Variants in MYO16 observed in about 807,000 individuals in gnomAD.
MYO16 encodes unconventional myosin-XVI.
Under a neutral mutation model 205.3 loss-of-function variants are expected in MYO16, and 94 were observed. That is an observed-to-expected ratio of 0.46 (90% confidence interval 0.39 to 0.54). The LOEUF (loss-of-function observed/expected upper bound fraction) is 0.54. MYO16 is among the 20% of genes least tolerant of loss of function. MYO16 has a pLI of 0.00. For synonymous variants in MYO16, 988 were observed against 954.0 expected (o/e 1.04, Z -0.66); for missense variants, 2,315 against 2,387.5 (o/e 0.97, Z 0.63).
At chr13:108,889,393 T>G (rs750551612) in intron 14 of MYO16, among the ~76,000 whole-genome samples, 1 of 152,170 alleles carries the variant, frequency 6.6e-6, no homozygotes, top group Non-Finnish European at 1.5e-5. Flanking sequence ...CTCAGAAATT[T>G]TACTCAAGGA....
At chr13:109,087,166 G>A (rs990216536) in intron 27 of MYO16, among the ~76,000 whole-genome samples, 9 of 152,174 alleles carry the variant, frequency 5.9e-5, no homozygotes, top group African/African-American at 2.2e-4. Flanking sequence ...CCAGCCATGT[G>A]GTCTCAGCAC....
At chr13:108,736,838 C>T (rs1311707171) in intron 4 of MYO16, among the ~76,000 whole-genome samples, 1 of 152,178 alleles carries the variant, frequency 6.6e-6, no homozygotes, top group Non-Finnish European at 1.5e-5. Context: ...TTGTAGTTCT[C>T]CTTGAAGAGA....
chr13:108,992,842 A>C (rs1199203974), intron 21 of MYO16, among the ~76,000 whole-genome samples: 1 of 152,198 alleles, frequency 6.6e-6, no homozygotes, highest in African/African-American at 2.4e-5. Context: ...TTATTTGTAG[A>C]TTCATCTCCA....
At chr13:108,662,286 A>G (rs899844998) in intron 1 of MYO16, among the ~76,000 whole-genome samples, 1 of 152,202 alleles carries the variant, frequency 6.6e-6, no homozygotes. Context: ...GGCATTTTCC[A>G]GAAAGCATCA....
chr13:108,586,901 C>A, the MYO16 span, among the ~76,000 whole-genome samples: 4 of 152,308 alleles, frequency 2.6e-5, no homozygotes, highest in African/African-American at 9.6e-5. Context: ...ATTTTCCTAT[C>A]TTTCCAATGA....
intron 2 of MYO16, among the ~76,000 whole-genome samples, chr13:108,684,306 T>A (rs1842352946): frequency 6.6e-6 from 1 of 152,198 alleles, no homozygotes; most frequent in African/African-American, 2.4e-5. Flanking sequence ...GGCTTGTGTC[T>A]CCTTTTAGCA....
intron 19 of MYO16, among the ~76,000 whole-genome samples, chr13:108,962,905 A>G (rs981173238): frequency 1.2e-4 from 18 of 152,376 alleles, no homozygotes; most frequent in African/African-American, 3.6e-4. Context: ...GCCAAGTCCT[A>G]TAAAAATTGT....
chr13:108,788,821 A>G (rs1406456309), intron 5 of MYO16, among the ~76,000 whole-genome samples: 2 of 151,736 alleles, frequency 1.3e-5, no homozygotes, highest in Non-Finnish European at 2.9e-5. Flanking sequence ...CCTTTGTGAC[A>G]CTCTCTTAGG....
chr13:108,642,221 G>A (rs1477439619), intron 1 of MYO16, among the ~76,000 whole-genome samples: 1 of 152,076 alleles, frequency 6.6e-6, no homozygotes, highest in Non-Finnish European at 1.5e-5. Flanking sequence ...CTCTTACTGA[G>A]CCACTGCAGG....
At chr13:108,837,170 A>G (rs1277734413) in intron 9 of MYO16, among the ~76,000 whole-genome samples, 1 of 152,068 alleles carries the variant, frequency 6.6e-6, no homozygotes, top group Non-Finnish European at 1.5e-5. Flanking sequence ...CATGATAGTG[A>G]GTGGAGTGCT....
the MYO16 span, among the ~76,000 whole-genome samples, chr13:108,529,986 G>T: frequency 4.6e-5 from 7 of 152,180 alleles, no homozygotes; most frequent in Non-Finnish European, 1.0e-4. Context: ...ACCCCAAGTA[G>T]TTCCCAACAA....
upstream of MYO16, among the ~76,000 whole-genome samples, chr13:108,592,838 A>C (rs1161371219): frequency 6.6e-6 from 1 of 151,714 alleles, no homozygotes; most frequent in Non-Finnish European, 1.5e-5. Flanking sequence ...CATGATGACA[A>C]TTATTGCTTT....
chr13:109,126,056 G>C (rs1006689000), intron 30 of MYO16, among the ~76,000 whole-genome samples: 2 of 152,152 alleles, frequency 1.3e-5, no homozygotes, highest in Non-Finnish European at 2.9e-5. Context: ...TTAATTCATC[G>C]TCAGGGAGAT....
intron 20 of MYO16, among the ~76,000 whole-genome samples, chr13:108,984,333 A>G (rs1212168033): frequency 6.6e-6 from 1 of 152,080 alleles, no homozygotes; most frequent in Non-Finnish European, 1.5e-5. Flanking sequence ...CAGTGCATCG[A>G]CCTTAACAAG....
At chr13:108,741,936 AC>A (rs1884922993) in intron 4 of MYO16, among the ~76,000 whole-genome samples, 1 of 152,086 alleles carries the variant, frequency 6.6e-6, no homozygotes, top group African/African-American at 2.4e-5. Context: ...ATATTATCTC[AC>A]TGGGTATGAA....
chr13:109,041,360 A>G (rs1886879127), intron 23 of MYO16, among the ~76,000 whole-genome samples: 1 of 152,244 alleles, frequency 6.6e-6, no homozygotes, highest in South Asian at 2.1e-4. Flanking sequence ...ATAGATATAA[A>G]GGTATAGATG....
At chr13:108,694,086 A>G (rs1883000140) in intron 2 of MYO16, among the ~76,000 whole-genome samples, 1 of 152,208 alleles carries the variant, frequency 6.6e-6, no homozygotes, top group Non-Finnish European at 1.5e-5. Context: ...TACATGTACC[A>G]TATTTTCTCA....
chr13:108,689,871 CA>C lies in MYO16; in HGVS notation c.293-22786del, dbSNP rs550323564. On this transcript the variant is annotated intron_variant, in intron 2 of 34. Coordinates refer to ENST00000457511, the MANE Select transcript of MYO16 (RefSeq NM_001198950.3). ...AATGATATGTTATAAAAATAGTATT[CA>C]AAACAAGATTCTACATCTAACAATT... is the stretch of plus-strand genomic sequence containing the variant. Among the ~76,000 whole-genome samples, 20 of 152,190 alleles carry C rather than the reference CA, an allele frequency of 1.3e-4. No individual in the cohort carries two copies. The East Asian group carries it at 3.9e-3, about 29-fold the overall frequency.
At chr13:108,732,848 AT>A (rs1884568608) in intron 4 of MYO16, among the ~76,000 whole-genome samples, 1 of 152,240 alleles carries the variant, frequency 6.6e-6, no homozygotes, top group South Asian at 2.1e-4. Flanking sequence ...GATATACAGG[AT>A]TTTGAAGGCA....
Sources: gnomAD v4.1 joint callset for allele counts (sites outside exome capture counted in the v4.1 genomes callset) on GRCh38, gnomAD v4.1.1 for gene constraint, MANE v1.5 for transcripts, NCBI Gene and HGNC (gene_info 2026-07-23, HGNC 2026-07-21) for gene names.